The following SMPD3 variants were observed in gnomAD, a reference collection of about 807,000 sequenced individuals.
The protein encoded by SMPD3 is sphingomyelin phosphodiesterase 3.
Under a neutral mutation model 55.7 loss-of-function variants are expected in SMPD3, and 21 were observed. The ratio of observed to expected loss-of-function variants is 0.38; its 90% CI spans 0.27 to 0.54. The LOEUF is 0.54. SMPD3 is among the 20% of genes least tolerant of loss of function. SMPD3 has a pLI of 0.80. For synonymous variants in SMPD3, 457 were observed against 404.3 expected (o/e 1.13, Z -1.56); for missense variants, 842 against 899.6 (o/e 0.94, Z 0.82).
At chr16:68,445,402 C>G (rs569304324) in intron 1 of SMPD3, among the ~76,000 whole-genome samples, 1 of 152,316 alleles carries the variant, frequency 6.6e-6, no homozygotes, top group Admixed American at 6.5e-5. Flanking sequence ...GAAACTTGAA[C>G]AAAGACCTTC....
chr16:68,373,480 G>C (rs2089728093), intron 2 of SMPD3, among the ~76,000 whole-genome samples: 1 of 152,212 alleles, frequency 6.6e-6, no homozygotes, highest in Non-Finnish European at 1.5e-5. Flanking sequence ...CCCACCCACT[G>C]TCTTGCTGAC....
chr16:68,363,618 G>C (rs959787342), intron 6 of SMPD3, 59 bp from the exon 7 acceptor site: 3 of 1,546,028 alleles, frequency 1.9e-6, no homozygotes, highest in Non-Finnish European at 2.7e-6. Flanking sequence ...CAGCCTCTAG[G>C]GGGTGGCCTC....
chr16:68,418,765 A>T (rs1218229257), intron 1 of SMPD3, among the ~76,000 whole-genome samples: 17 of 152,232 alleles, frequency 1.1e-4, no homozygotes, highest in Admixed American at 1.0e-3. Flanking sequence ...TTTCTAAAGT[A>T]AGCCTGCCCC....
At chr16:68,373,782 C>T (rs2089736555) in intron 2 of SMPD3, among the ~76,000 whole-genome samples, 1 of 152,184 alleles carries the variant, frequency 6.6e-6, no homozygotes, top group Non-Finnish European at 1.5e-5. Context: ...TACTGGAACT[C>T]CCTCAGCCCT....
rs539401683 is a variant in SMPD3 at position 68,410,025 on chromosome 16, C to G, written c.-268-23366G>C. 4.6e-5 allele frequency among the ~76,000 whole-genome samples: 7 copies of G among 152,328 alleles called. No individual in the cohort carries two copies. In the East Asian group the frequency reaches 1.2e-3, roughly 25 times the overall value. On this transcript the variant is annotated intron_variant, in intron 1 of 8. Transcript: ENST00000219334. ...AGGTTAGTCACCCATGTGGGCAAGC[C>G]CCAGGGCCTCTCTGACCCTAACGAG...
In SMPD3 at chr16:68,359,174, G is replaced by C. The variant is rs1330419600; in HGVS notation, c.*2032C>G. On this transcript the variant is annotated 3_prime_UTR_variant, in exon 9 of 9. Coordinates refer to ENST00000219334, the MANE Select transcript of SMPD3 (RefSeq NM_018667.4). ...TGCCCGGGCCTCAACTGCTCTCCCT[G>C]TGCAGGCAGTCGGCAGGCGGCTCGG... 2 of 152,434 alleles carry C rather than the reference G, an allele frequency of 1.3e-5. No individual in the cohort carries two copies. Among genetic ancestry groups the C allele is most frequent in the African/African-American group, 4.8e-5 (2 of 41,464 alleles). The allele number at this position is 152,434 out of a possible 1,614,324, so 9.4% of individuals were successfully genotyped here. A position where few individuals can be genotyped will look rare whatever the true frequency, so the allele number is the denominator to read the frequency against.
At chr16:68,367,149 C>T (rs946542190) in intron 3 of SMPD3, among the ~76,000 whole-genome samples, 2 of 152,110 alleles carry the variant, frequency 1.3e-5, no homozygotes, top group Admixed American at 6.5e-5. Flanking sequence ...CTGGCCTGGG[C>T]GACAGAATGA....
rs1294329206 is a variant in SMPD3, at chr16:68,399,969, C to T, written c.-268-13310G>A. ...GGCACCAGTGTGGATGTCACCACACCTCTCCACTCTACTCCATAGCAGGGC... is the reference window on the plus strand; with the variant it reads ...GGCACCAGTGTGGATGTCACCACACTTCTCCACTCTACTCCATAGCAGGGC... On this transcript the variant is annotated intron_variant, in intron 1 of 8. Coordinates refer to ENST00000219334, the MANE Select transcript of SMPD3 (RefSeq NM_018667.4). Among the ~76,000 whole-genome samples the T allele has an allele frequency of 4.6e-5, 7 of 152,358 alleles. No homozygotes were observed. In the South Asian group the frequency reaches 8.3e-4, roughly 18 times the overall value.
intron 3 of SMPD3, among the ~76,000 whole-genome samples, chr16:68,365,972 CAG>C (rs1471723832): frequency 1.3e-5 from 2 of 152,208 alleles, no homozygotes; most frequent in Admixed American, 6.5e-5. Context: ...ATGCCCTGCA[CAG>C]AGAGGCCGCT....
At position 68,392,381 on chromosome 16, in the gene SMPD3, G is replaced by A. The variant is rs1028941203; in HGVS notation, c.-268-5722C>T. On this transcript the variant is annotated intron_variant, in intron 1 of 8. Coordinates refer to ENST00000219334, the MANE Select transcript of SMPD3 (RefSeq NM_018667.4). Reference sequence around the variant, plus strand: ...TGTGAGTGTTTTGAACATGTTTAATGTAGGCTAGGTTAAGCTATAATGTTT... The same window carrying A: ...TGTGAGTGTTTTGAACATGTTTAATATAGGCTAGGTTAAGCTATAATGTTT... 3.3e-5 allele frequency among the ~76,000 whole-genome samples: 5 copies of A among 152,184 alleles called. No individual in the cohort carries two copies. In the South Asian group the frequency reaches 8.3e-4, roughly 25 times the overall value.
At chr16:68,400,303 C>T (rs2090194817) in intron 1 of SMPD3, among the ~76,000 whole-genome samples, 1 of 152,194 alleles carries the variant, frequency 6.6e-6, no homozygotes, top group Non-Finnish European at 1.5e-5. Context: ...CCAGCTCTGC[C>T]AGGGTGTCCC....
At chr16:68,383,156 A>T (rs1008717412) in intron 2 of SMPD3, among the ~76,000 whole-genome samples, 4 of 152,098 alleles carry the variant, frequency 2.6e-5, no homozygotes, top group Admixed American at 6.5e-5. Context: ...TTTAACTTAA[A>T]TGCTTAGCCT....
chr16:68,363,976 C>T (rs905164189), intron 5 of SMPD3, 110 bp from the exon 6 acceptor site: 9 of 974,544 alleles, frequency 9.2e-6, no homozygotes, highest in Non-Finnish European at 1.4e-5. Context: ...GGCCCCCATC[C>T]CTTAGGCCAC....
intron 2 of SMPD3, 26 bp from the exon 3 acceptor site, chr16:68,372,413 G>A (rs2089695915): frequency 1.7e-6 from 1 of 589,196 alleles, no homozygotes; most frequent in South Asian, 2.0e-5. Context: ...TAGGGGGACT[G>A]TTTTTAGTGA....
intron 3 of SMPD3, among the ~76,000 whole-genome samples, chr16:68,366,992 A>C (rs974273847): frequency 8.3e-5 from 11 of 132,162 alleles, no homozygotes; most frequent in African/African-American, 3.3e-4. Flanking sequence ...TAGGCAACAG[A>C]GTGAGACTCT....
Position 68,361,192 on chromosome 16 carries a change from C to T in SMPD3, c.*14G>A. The T allele has an allele frequency of 1.2e-6, 2 of 1,611,212 alleles. No homozygotes were observed. Among genetic ancestry groups the T allele is most frequent in the Non-Finnish European group, 1.7e-6 (2 of 1,178,604 alleles). ...GCTGCAAGGGCTGGCAGAGGCCCCGCTGCTCCGGACGGTCTATGCCTCCTC... is the reference window on the plus strand; with the variant it reads ...GCTGCAAGGGCTGGCAGAGGCCCCGTTGCTCCGGACGGTCTATGCCTCCTC... On this transcript the variant is annotated 3_prime_UTR_variant, in exon 9 of 9. Coordinates refer to ENST00000219334, the MANE Select transcript of SMPD3 (RefSeq NM_018667.4).
intron 1 of SMPD3, among the ~76,000 whole-genome samples, chr16:68,415,170 C>T (rs762746557): frequency 5.3e-5 from 8 of 152,128 alleles, no homozygotes; most frequent in Non-Finnish European, 1.2e-4. Flanking sequence ...CTACAGGTAA[C>T]GCCCAGAGAG....
intron 1 of SMPD3, among the ~76,000 whole-genome samples, chr16:68,417,196 G>A (rs1299235924): frequency 6.6e-6 from 1 of 152,158 alleles, no homozygotes; most frequent in Non-Finnish European, 1.5e-5. Context: ...CAACTCTGAG[G>A]AGCTATCTCA....
At chr16:68,380,546 TCACCTGCTCCCGGCTGACCAGCGC>T (rs368672251) in intron 2 of SMPD3, among the ~76,000 whole-genome samples, 4,706 of 152,272 alleles carry the variant, frequency 0.031, 231 homozygotes, top group African/African-American at 0.1. Context: ...GCAGGTCACG[TCACCTGCTCCCGGCTGACCAGCGC>T]CACCTGCATC....
Sources: allele counts gnomAD v4.1 joint callset (sites outside exome capture counted in the v4.1 genomes callset), GRCh38; gene constraint gnomAD v4.1.1; transcripts MANE v1.5; gene names NCBI Gene and HGNC (gene_info 2026-07-23, HGNC 2026-07-21).